The following SGCZ variants were observed in gnomAD, a reference collection of about 807,000 sequenced individuals.
SGCZ encodes sarcoglycan zeta.
In SGCZ, 40 loss-of-function variants were observed where a neutral mutation model predicts 41.3. That is an observed-to-expected ratio of 0.97 (90% CI 0.75 to 1.26). The LOEUF (loss-of-function observed/expected upper bound fraction) is 1.26. SGCZ is among the 50% of genes most tolerant of loss of function. SGCZ has a pLI of 0.00. For missense variants in SGCZ, 552 were observed against 369.8 expected (o/e 1.49, Z -4.04); for synonymous variants, 206 against 137.5 (o/e 1.50, Z -3.49).
intron 1 of SGCZ, among the ~76,000 whole-genome samples, chr8:14,617,850 ATG>A (rs34821756): frequency 0.27 from 25,231 of 92,536 alleles, 2,170 homozygotes; most frequent in Non-Finnish European, 0.32. Context: ...TTGTGTGTTT[ATG>A]TGTGTGTGTG....
intron 1 of SGCZ, among the ~76,000 whole-genome samples, chr8:14,861,373 A>T (rs1297876748): frequency 6.6e-6 from 1 of 152,132 alleles, no homozygotes; most frequent in Admixed American, 6.6e-5. Context: ...AACAAGTGAA[A>T]TAAAGAATAG....
At chr8:15,176,199 C>A (rs1307252398) in intron 1 of SGCZ, among the ~76,000 whole-genome samples, 2 of 152,142 alleles carry the variant, frequency 1.3e-5, no homozygotes, top group African/African-American at 4.8e-5. Flanking sequence ...AGCTGAGAGG[C>A]TTTAATCTTA....
rs571998597 is a variant in SGCZ, at chr8:14,336,434, T to C, written c.235-12230A>G. Among the ~76,000 whole-genome samples the C allele has an allele frequency of 2.6e-5, 4 of 152,284 alleles. No individual in the cohort carries two copies. In the South Asian group the frequency reaches 6.2e-4, roughly 24 times the overall value. On this transcript the variant is annotated intron_variant, in intron 2 of 7. Transcript: ENST00000382080. ...ATGTGTCTTTATGATAGAATGATTA[T>C]ATTCCTTTGGGTATATACCCAGTAA...
chr8:14,295,146 C>A (rs1800966767), intron 3 of SGCZ, among the ~76,000 whole-genome samples: 1 of 152,080 alleles, frequency 6.6e-6, no homozygotes, highest in African/African-American at 2.4e-5. Context: ...ATGTTTATAG[C>A]GGCTTTATTT....
chr8:14,319,689 G>A (rs899519063), intron 3 of SGCZ, among the ~76,000 whole-genome samples: 16 of 151,902 alleles, frequency 1.1e-4, no homozygotes, highest in Non-Finnish European at 1.9e-4. Flanking sequence ...CCAAAGACCC[G>A]AGGCAGTTAA....
chr8:14,298,869 C>T (rs187875784), intron 3 of SGCZ, among the ~76,000 whole-genome samples: 42 of 151,892 alleles, frequency 2.8e-4, no homozygotes, highest in South Asian at 4.1e-4. Context: ...CTAAAAAGAA[C>T]CTAGAACAGT....
At position 14,411,540 on chromosome 8, in the gene SGCZ, C is replaced by G. The variant is rs192234619; in HGVS notation, c.235-87336G>C. ...CTTGCTGCCTACAGCATATAAAGTT[C>G]AAGCTGACATAGAGAAATATATACT... On this transcript the variant is annotated intron_variant, in intron 2 of 7. Coordinates refer to ENST00000382080, the MANE Select transcript of SGCZ (RefSeq NM_139167.4). Among the ~76,000 whole-genome samples, 17 of 152,120 alleles carry G rather than the reference C, an allele frequency of 1.1e-4. No homozygotes were observed. In the East Asian group the frequency reaches 2.7e-3, roughly 24 times the overall value.
At chr8:14,154,379 A>G (rs931719060) in intron 5 of SGCZ, among the ~76,000 whole-genome samples, 1 of 56,234 alleles carries the variant, frequency 1.8e-5, no homozygotes, top group African/African-American at 6.5e-5. Flanking sequence ...AAAAATAAAC[A>G]AACAGCAACA....
At chr8:14,998,047 G>C (rs1314584186) in intron 1 of SGCZ, among the ~76,000 whole-genome samples, 1 of 152,080 alleles carries the variant, frequency 6.6e-6, no homozygotes, top group Non-Finnish European at 1.5e-5. Flanking sequence ...CCTCCCTTTT[G>C]TCAGAAACAT....
intron 2 of SGCZ, among the ~76,000 whole-genome samples, chr8:14,503,218 T>C (rs1802205032): frequency 1.3e-5 from 2 of 152,024 alleles, no homozygotes; most frequent in South Asian, 4.1e-4. Context: ...ACACTGCATG[T>C]TCTCACTCAT....
intron 1 of SGCZ, among the ~76,000 whole-genome samples, chr8:15,028,688 C>G (rs1803546381): frequency 6.6e-6 from 1 of 152,040 alleles, no homozygotes; most frequent in South Asian, 2.1e-4. Flanking sequence ...GTACATTGAT[C>G]TCACAGATGA....
At chr8:14,661,287 T>C (rs558274691) in intron 1 of SGCZ, among the ~76,000 whole-genome samples, 2 of 152,314 alleles carry the variant, frequency 1.3e-5, no homozygotes, top group African/African-American at 4.8e-5. Flanking sequence ...CAAGAATGCA[T>C]GTTTCCATCT....
intron 1 of SGCZ, among the ~76,000 whole-genome samples, chr8:14,600,643 G>C (rs1353846496): frequency 6.6e-6 from 1 of 152,164 alleles, no homozygotes; most frequent in Non-Finnish European, 1.5e-5. Flanking sequence ...AAATGCATTT[G>C]CTGATAAAGG....
chr8:15,069,064 A>G (rs1219195103), intron 1 of SGCZ, among the ~76,000 whole-genome samples: 1 of 152,242 alleles, frequency 6.6e-6, no homozygotes, highest in African/African-American at 2.4e-5. Flanking sequence ...TGGCTGACAG[A>G]CGGCACCAAT....
intron 1 of SGCZ, among the ~76,000 whole-genome samples, chr8:14,680,981 A>C (rs1284005112): frequency 2.7e-5 from 4 of 150,340 alleles, no homozygotes; most frequent in Non-Finnish European, 4.4e-5. Flanking sequence ...AAAAAAAAAA[A>C]CAGAAAATCG....
At chr8:14,702,830 TAGATA>T (rs1424015017) in intron 1 of SGCZ, among the ~76,000 whole-genome samples, 29 of 98,568 alleles carry the variant, frequency 2.9e-4, no homozygotes, top group Admixed American at 5.4e-4. Context: ...GATAGATAGA[TAGATA>T]GATAGATAGA....
At chr8:14,987,495 G>C (rs1411286097) in intron 1 of SGCZ, among the ~76,000 whole-genome samples, 1 of 151,936 alleles carries the variant, frequency 6.6e-6, no homozygotes, top group African/African-American at 2.4e-5. Context: ...TGTACTCACT[G>C]TATTAAGCAA....
At chr8:14,307,257 T>C (rs904025144) in intron 3 of SGCZ, among the ~76,000 whole-genome samples, 3 of 152,224 alleles carry the variant, frequency 2.0e-5, no homozygotes, top group Admixed American at 6.6e-5. Flanking sequence ...TTAATACTTT[T>C]GTAATTTGGT....
chr8:14,213,513 A>C (rs1406376107), intron 4 of SGCZ, among the ~76,000 whole-genome samples: 2 of 152,160 alleles, frequency 1.3e-5, no homozygotes, highest in African/African-American at 4.8e-5. Context: ...AAATAAGAGA[A>C]TATGTTATCA....
Sources: allele counts gnomAD v4.1 joint callset (sites outside exome capture counted in the v4.1 genomes callset), GRCh38; gene constraint gnomAD v4.1.1; transcripts MANE v1.5; gene names NCBI Gene and HGNC (gene_info 2026-07-23, HGNC 2026-07-21).